LRP6: variants seen among roughly 807,000 people sequenced by gnomAD.
The protein encoded by LRP6 is LDL receptor related protein 6.
A neutral mutation model predicts 184.1 loss-of-function variants in LRP6; 43 were observed. The observed-to-expected ratio is 0.23, with a 90% CI of 0.18 to 0.30. The LOEUF (loss-of-function observed/expected upper bound fraction) is 0.30, where lower values mean the gene tolerates loss of function less well. LRP6 is among the 10% of genes least tolerant of loss of function. LRP6 has a pLI of 1.00. For synonymous variants in LRP6, 719 were observed against 684.9 expected, an observed-to-expected ratio of 1.05 and a Z score of -0.78; for missense variants, 1,571 against 2,005.3, an observed-to-expected ratio of 0.78 and a Z score of 4.14.
At chr12:12,181,996 A>G (rs1863356430) in intron 5 of LRP6, among the ~76,000 whole-genome samples, 1 of 152,232 alleles carries the variant, frequency 6.6e-6, no homozygotes, top group South Asian at 2.1e-4. Flanking sequence ...CTTAACAAAG[A>G]GAAATACAGG....
At chr12:12,124,496 A>AT (rs1432318591) in intron 22 of LRP6, 69 bp downstream of exon 22, 2 of 1,079,846 alleles carry the variant, frequency 1.9e-6, no homozygotes, top group South Asian at 1.2e-5. Flanking sequence ...ATTTGGGGCT[A>AT]TATCAGGTCC....
intron 7 of LRP6, among the ~76,000 whole-genome samples, chr12:12,175,310 G>C (rs1380677942): frequency 6.6e-6 from 1 of 151,652 alleles, no homozygotes; most frequent in Non-Finnish European, 1.5e-5. Flanking sequence ...TATCACTTGA[G>C]CTTGGGAGGC....
chr12:12,122,212 G>C (rs1488827156), intron 22 of LRP6, among the ~76,000 whole-genome samples: 1 of 152,162 alleles, frequency 6.6e-6, no homozygotes, highest in Non-Finnish European at 1.5e-5. Flanking sequence ...AAAGAAAAAG[G>C]CATTGGAAAG....
chr12:12,163,947 T>C (rs760422828), intron 9 of LRP6, among the ~76,000 whole-genome samples: 10 of 152,190 alleles, frequency 6.6e-5, no homozygotes, highest in South Asian at 2.1e-4. Flanking sequence ...CTGGCCAACA[T>C]GGTGAAACCC....
Position 12,155,671 on chromosome 12 carries a change from C to A in LRP6, c.2791+3158G>T, listed in dbSNP as rs1053346362. On this transcript the variant is annotated intron_variant, in intron 12 of 22. Coordinates refer to ENST00000261349, the MANE Select transcript of LRP6 (RefSeq NM_002336.3). ...CAAAGAGAAAGGTACCTGGGTTCAACTGAAGCGCCAGCCTGCTCCACCCAG... is the reference window on the plus strand; with the variant it reads ...CAAAGAGAAAGGTACCTGGGTTCAAATGAAGCGCCAGCCTGCTCCACCCAG... 133 of 981,818 alleles carry A rather than the reference C, an allele frequency of 1.4e-4. No individual in the cohort carries two copies. The African/African-American group carries it at 1.7e-3, about 12-fold the overall frequency. 60.8% of individuals were successfully genotyped at this position (981,818 alleles called of 1,614,324 possible).
intron 12 of LRP6, among the ~76,000 whole-genome samples, 167 bp from the exon 13 acceptor site, chr12:12,151,205 G>C (rs1199836466): frequency 6.6e-6 from 1 of 152,186 alleles, no homozygotes; most frequent in Non-Finnish European, 1.5e-5. Context: ...ACTCTCTTCA[G>C]AGTAACACTA....
chr12:12,143,766 A>C (rs1949965107), intron 15 of LRP6, among the ~76,000 whole-genome samples: 1 of 152,246 alleles, frequency 6.6e-6, no homozygotes, highest in Admixed American at 6.5e-5. Flanking sequence ...AGTTAAATGA[A>C]GAAATTTCAG....
intron 7 of LRP6, among the ~76,000 whole-genome samples, chr12:12,179,005 T>C (rs527675652): frequency 6.6e-6 from 1 of 152,298 alleles, no homozygotes; most frequent in Admixed American, 6.5e-5. Context: ...CATCCTTGTA[T>C]GTGAAGTTTC....
intron 2 of LRP6, among the ~76,000 whole-genome samples, chr12:12,211,969 A>G (rs1864223195): frequency 3.3e-5 from 5 of 152,162 alleles, no homozygotes; most frequent in Admixed American, 3.3e-4. Flanking sequence ...AGCGCCTCTA[A>G]GTTTAATAAA....
At chr12:12,175,259 T>C (rs1863143081) in intron 7 of LRP6, among the ~76,000 whole-genome samples, 1 of 151,938 alleles carries the variant, frequency 6.6e-6, no homozygotes, top group East Asian at 1.9e-4. Flanking sequence ...CGTGGTGGCA[T>C]GCGCCTGTAA....
intron 14 of LRP6, among the ~76,000 whole-genome samples, chr12:12,148,590 G>A (rs1950040879): frequency 6.6e-6 from 1 of 152,176 alleles, no homozygotes; most frequent in Non-Finnish European, 1.5e-5. Context: ...GTATAACTTA[G>A]AGAGGCACAG....
At chr12:12,205,052 G>A (rs1191932110) in intron 2 of LRP6, among the ~76,000 whole-genome samples, 4 of 151,828 alleles carry the variant, frequency 2.6e-5, no homozygotes. Flanking sequence ...TGAGGAGCCA[G>A]GAGTGGTGGC....
Position 12,116,405 on chromosome 12 carries a change from T to C in LRP6, c.*4721A>G, listed in dbSNP as rs1176820340. On this transcript the variant is annotated 3_prime_UTR_variant, in exon 23 of 23. Coordinates refer to ENST00000261349, the MANE Select transcript of LRP6 (RefSeq NM_002336.3). ...ATCTTCTTGGTATCCTCTCTACTTT[T>C]TAACATTTTTCCTTACTAATCCATA... The C allele has an allele frequency of 6.6e-6, 1 of 152,230 alleles. No homozygotes were observed. The highest frequency in any genetic ancestry group is 1.9e-4 in the East Asian group (1 of 5,204). The allele number at this position is 152,230 out of a possible 1,614,324, so 9.4% of individuals were successfully genotyped here. A position where few individuals can be genotyped will look rare whatever the true frequency, so the allele number is the denominator to read the frequency against.
At chr12:12,126,442 G>A (rs1949672232) in intron 20 of LRP6, among the ~76,000 whole-genome samples, 1 of 152,212 alleles carries the variant, frequency 6.6e-6, no homozygotes, top group Non-Finnish European at 1.5e-5. Context: ...CAGAATTGCA[G>A]TCAGAGAGGC....
At position 12,117,850 on chromosome 12, in the gene LRP6, A is replaced by G. The variant is rs1377520830; in HGVS notation, c.*3276T>C. 1 of 152,188 alleles carries G rather than the reference A, an allele frequency of 6.6e-6. No individual in the cohort carries two copies. The highest frequency in any genetic ancestry group is 2.4e-5 in the African/African-American group (1 of 41,450). 9.4% of individuals were successfully genotyped at this position (152,188 alleles called of 1,614,324 possible). ...TGAATGAGTTTCCTTCATATAAATTACTGACTTTAGGATATTTTTAAATGA... is the reference window on the plus strand; with the variant it reads ...TGAATGAGTTTCCTTCATATAAATTGCTGACTTTAGGATATTTTTAAATGA... On this transcript the variant is annotated 3_prime_UTR_variant, in exon 23 of 23. Coordinates refer to ENST00000261349, the MANE Select transcript of LRP6 (RefSeq NM_002336.3).
intron 2 of LRP6, among the ~76,000 whole-genome samples, chr12:12,235,220 G>A (rs577854578): frequency 6.6e-6 from 1 of 152,256 alleles, no homozygotes; most frequent in South Asian, 2.1e-4. Flanking sequence ...ATGATAATGA[G>A]AGCCAGGTTT....
intron 1 of LRP6, among the ~76,000 whole-genome samples, chr12:12,245,662 A>G (rs1865165046): frequency 6.6e-6 from 1 of 152,238 alleles, no homozygotes; most frequent in African/African-American, 2.4e-5. Flanking sequence ...TATTACTATT[A>G]AAATGACCTT....
At chr12:12,131,715 T>A in intron 18 of LRP6, 106 bp downstream of exon 18, 1 of 862,130 alleles carries the variant, frequency 1.2e-6, no homozygotes, top group Non-Finnish European at 2.0e-6. Flanking sequence ...TACAGTCATA[T>A]GTACTTGAAA....
Position 12,266,741 on chromosome 12 carries a change from C to A in LRP6, c.-6G>T. On this transcript the variant is annotated 5_prime_UTR_variant, in exon 1 of 23. The change creates a new upstream start codon in the 5' untranslated region. Coordinates refer to ENST00000261349, the MANE Select transcript of LRP6 (RefSeq NM_002336.3). ...CTCCTCAGGACGGCCCCCATCTTCC[C>A]TTCTCGCGTTCTCTTCTCTCACCGG... 6.2e-7 allele frequency: 1 copy of A among 1,612,840 alleles called. No individual in the cohort carries two copies. The highest frequency in any genetic ancestry group is 2.2e-5 in the East Asian group (1 of 44,804).
Sources: allele counts gnomAD v4.1 joint callset (sites outside exome capture counted in the v4.1 genomes callset), GRCh38; gene constraint gnomAD v4.1.1; transcripts MANE v1.5; gene names NCBI Gene and HGNC (gene_info 2026-07-23, HGNC 2026-07-21).